The following GMDS variants were observed in gnomAD, a reference collection of about 807,000 sequenced individuals.
GMDS encodes GDP-mannose 4,6-dehydratase.
In GMDS, 20 loss-of-function variants were observed where a neutral mutation model predicts 49.9. The observed-to-expected ratio is 0.40, with a 90% CI of 0.28 to 0.58. GMDS has a LOEUF of 0.58. Among genes scored for constraint, GMDS ranks in the 20% least tolerant of loss-of-function variants. The probability of loss-of-function intolerance (pLI) is 0.42; values close to 1 mark genes in which losing one functional copy is unlikely to be tolerated. For synonymous variants in GMDS, 177 were observed against 178.6 expected (o/e 0.99, Z 0.07); for missense variants, 362 against 481.4 (o/e 0.75, Z 2.32).
chr6:1,871,098 G>A (rs1758720198), intron 7 of GMDS, among the ~76,000 whole-genome samples: 1 of 150,034 alleles, frequency 6.7e-6, no homozygotes, highest in African/African-American at 2.5e-5. Context: ...TTAAACCACT[G>A]TCTAATTACT....
chr6:1,762,466 G>A (rs145646381), intron 7 of GMDS, among the ~76,000 whole-genome samples: 4 of 152,340 alleles, frequency 2.6e-5, no homozygotes, highest in African/African-American at 9.6e-5. Flanking sequence ...CGAGCAACCC[G>A]ACCAGCCTTT....
chr6:2,042,121 G>A (rs1416037243), intron 4 of GMDS, among the ~76,000 whole-genome samples: 1 of 152,184 alleles, frequency 6.6e-6, no homozygotes, highest in Admixed American at 6.5e-5. Context: ...TATAATTTTA[G>A]AAAAGGCAGT....
chr6:1,962,047 T>C (rs960248889), intron 4 of GMDS, among the ~76,000 whole-genome samples: 3 of 152,236 alleles, frequency 2.0e-5, no homozygotes, highest in Non-Finnish European at 4.4e-5. Flanking sequence ...TGGAAGTCTG[T>C]TATTTTTATT....
chr6:1,706,169 T>C (rs1193138662), intron 9 of GMDS, among the ~76,000 whole-genome samples: 1 of 152,164 alleles, frequency 6.6e-6, no homozygotes, highest in Admixed American at 6.5e-5. Flanking sequence ...TTGTTATGGT[T>C]TTGTATATTA....
chr6:1,957,260 A>C, intron 6 of GMDS, among the ~76,000 whole-genome samples: 1 of 152,318 alleles, frequency 6.6e-6, no homozygotes, highest in South Asian at 2.1e-4. Context: ...CATTCATTTA[A>C]AAATATTTAC....
chr6:2,240,061 G>C (rs1326845701), intron 1 of GMDS, among the ~76,000 whole-genome samples: 1 of 152,182 alleles, frequency 6.6e-6, no homozygotes, highest in Non-Finnish European at 1.5e-5. Context: ...TAGAATGGAA[G>C]TCACTGCCTA....
intron 4 of GMDS, among the ~76,000 whole-genome samples, chr6:2,091,034 C>A (rs991489955): frequency 6.6e-6 from 1 of 152,112 alleles, no homozygotes; most frequent in Non-Finnish European, 1.5e-5. Context: ...CATTTTCATT[C>A]TACATTCCAC....
chr6:2,188,109 A>G (rs537426267), intron 1 of GMDS, among the ~76,000 whole-genome samples: 1 of 152,318 alleles, frequency 6.6e-6, no homozygotes, highest in African/African-American at 2.4e-5. Flanking sequence ...AACCTGCTGC[A>G]TCACTGGGGG....
At chr6:1,830,484 A>G (rs562894680) in intron 7 of GMDS, among the ~76,000 whole-genome samples, 1 of 152,364 alleles carries the variant, frequency 6.6e-6, no homozygotes, top group South Asian at 2.1e-4. Flanking sequence ...TGTATTACAT[A>G]TAACCAACCA....
At chr6:2,115,932 A>G (rs1774823719) in intron 3 of GMDS, 52 bp from the exon 4 acceptor site, 1 of 1,034,044 alleles carries the variant, frequency 9.7e-7, no homozygotes, top group Non-Finnish European at 1.5e-6. Context: ...CATAAGCTCA[A>G]TTTTTAAAAA....
chr6:2,041,346 G>A (rs918530440), intron 4 of GMDS, among the ~76,000 whole-genome samples: 1 of 152,224 alleles, frequency 6.6e-6, no homozygotes, highest in African/African-American at 2.4e-5. Context: ...AAGAGAATGT[G>A]ACTATTTCAG....
At chr6:1,944,730 G>T (rs900750316) in intron 6 of GMDS, among the ~76,000 whole-genome samples, 1 of 150,978 alleles carries the variant, frequency 6.6e-6, no homozygotes, top group Non-Finnish European at 1.5e-5. Flanking sequence ...AAATAGTATT[G>T]GCTTATAGCC....
At chr6:1,904,088 C>G (rs762962210) in intron 7 of GMDS, among the ~76,000 whole-genome samples, 1 of 152,110 alleles carries the variant, frequency 6.6e-6, no homozygotes, top group East Asian at 1.9e-4. Context: ...ATGTTGAGCA[C>G]GTGATGTCAG....
chr6:1,939,518 T>C (rs950427332), intron 6 of GMDS, among the ~76,000 whole-genome samples: 1 of 151,352 alleles, frequency 6.6e-6, no homozygotes, highest in Non-Finnish European at 1.5e-5. Flanking sequence ...CATATATATA[T>C]ACACACACAT....
chr6:1,768,446 A>G (rs72841917), intron 7 of GMDS, among the ~76,000 whole-genome samples: 1 of 152,366 alleles, frequency 6.6e-6, no homozygotes, highest in Non-Finnish European at 1.5e-5. Flanking sequence ...TATGACAGAT[A>G]AGATACTGAA....
At chr6:1,868,951 CA>C (rs1758586625) in intron 7 of GMDS, among the ~76,000 whole-genome samples, 1 of 152,088 alleles carries the variant, frequency 6.6e-6, no homozygotes, top group Admixed American at 6.5e-5. Flanking sequence ...TATGTTCTTA[CA>C]ATGTGAACAC....
chr6:1,773,432 T>C (rs369003225), intron 7 of GMDS, among the ~76,000 whole-genome samples: 24 of 152,326 alleles, frequency 1.6e-4, no homozygotes, highest in African/African-American at 5.3e-4. Context: ...GAAATACATG[T>C]TGGTGCTAAA....
Position 1,778,779 on chromosome 6 carries a change from G to T in GMDS, c.772-36193C>A, listed in dbSNP as rs1768952407. Among the ~76,000 whole-genome samples the T allele has an allele frequency of 6.6e-6, 1 of 152,134 alleles. No individual in the cohort carries two copies. Among genetic ancestry groups the T allele is most frequent in the South Asian group, 2.1e-4 (1 of 4,828 alleles). On this transcript the variant is annotated intron_variant, in intron 7 of 10. Transcript: ENST00000380815. This position sits in a 1 kb window ranked among gnomAD's most constrained non-coding sequence, Gnocchi z 4.6. The stretch of plus-strand genomic sequence containing the variant: ...ACCTCAAAGCTCGTCGACAGCAGCA[G>T]CCTGACCAGTGTGGGCCAGGACTGT...
chr6:1,643,686 G>A (rs931706708), intron 9 of GMDS, among the ~76,000 whole-genome samples: 1 of 152,110 alleles, frequency 6.6e-6, no homozygotes, highest in African/African-American at 2.4e-5. Flanking sequence ...TGGTTATGGA[G>A]TTTTTGCCTC....
Sources: gnomAD v4.1 joint callset for allele counts (sites outside exome capture counted in the v4.1 genomes callset) on GRCh38, gnomAD v4.1.1 for gene constraint, Gnocchi (gnomAD v3.1) non-coding constraint, MANE v1.5 for transcripts, NCBI Gene and HGNC (gene_info 2026-07-23, HGNC 2026-07-21) for gene names.